The following INTS1 variants were observed in gnomAD, a reference collection of about 807,000 sequenced individuals.
The protein encoded by INTS1 is integrator complex subunit 1.
A neutral mutation model predicts 241.6 loss-of-function variants in INTS1; 137 were observed. The observed-to-expected ratio is 0.57, with a 90% CI of 0.49 to 0.65. INTS1 has a LOEUF of 0.65. Ranked by LOEUF, INTS1 falls within the 30% of genes least tolerant of loss-of-function variation. INTS1 has a pLI of 0.00. For synonymous variants in INTS1, 1,692 were observed against 1,337.8 expected, an observed-to-expected ratio of 1.26 and a Z score of -5.78; for missense variants, 3,073 against 3,032.2, an observed-to-expected ratio of 1.01 and a Z score of -0.32.
chr7:1,497,085 G>T lies in INTS1; in HGVS notation c.1602+53C>A. The T allele has an allele frequency of 6.6e-7, 1 of 1,508,112 alleles. No homozygotes were observed. Among genetic ancestry groups the T allele is most frequent in the South Asian group, 1.3e-5 (1 of 79,304 alleles). 93.4% of individuals were successfully genotyped at this position (1,508,112 alleles called of 1,614,324 possible). A position where few individuals can be genotyped will look rare whatever the true frequency, so the allele number is the denominator to read the frequency against. On this transcript the variant is annotated intron_variant, in intron 11 of 47. Transcript: ENST00000404767. This position sits in a 1 kb window ranked among gnomAD's most constrained non-coding sequence, Gnocchi z 5.3. The stretch of plus-strand genomic sequence containing the variant: ...TGGGACCCAGGACGAGGGGGATGGC[G>T]GCGCGTGGAACCCGCAGTGAGGGAA...
chr7:1,487,914 G>A lies in INTS1; in HGVS notation c.2362C>T (p.Arg788Trp), dbSNP rs1782351023. The A allele has an allele frequency of 1.2e-6, 2 of 1,613,460 alleles. No homozygotes were observed. The highest frequency in any genetic ancestry group is 1.3e-5 in the African/African-American group (1 of 75,040). Residue 788 changes from arginine (R) to tryptophan (W), a missense_variant, in exon 19 of 48, where the codon CGG becomes TGG. Transcript: ENST00000404767. ...AGCTCACGGTTCAGCATCTCCGTCC[G>A]GGTCTCCTCATCCGTCAGGGTGCAC... ...PPCTLTDEETRTEMLNRELQT... is the reference protein window; with the variant it reads ...PPCTLTDEETWTEMLNRELQT...
chr7:1,498,729 TGAG>T lies in INTS1; in HGVS notation c.1258_1260del (p.Leu420del). On this transcript the variant is annotated inframe_deletion, in exon 9 of 48. Transcript: ENST00000404767. ...CACCTGATGCACAGCATGAAGTGGTTGAGGAGGACCTTGGGCTTGAGGCGGATC... is the reference window on the plus strand; with the variant it reads ...CACCTGATGCACAGCATGAAGTGGTTGAGGACCTTGGGCTTGAGGCGGATC... 1 of 1,557,354 alleles carries T rather than the reference TGAG, an allele frequency of 6.4e-7. No homozygotes were observed. Among genetic ancestry groups the T allele is most frequent in the Non-Finnish European group, 8.7e-7 (1 of 1,150,540 alleles).
intron 33 of INTS1, 80 bp downstream of exon 33, chr7:1,478,286 C>A: frequency 6.7e-7 from 1 of 1,488,602 alleles, no homozygotes; most frequent in Non-Finnish European, 9.3e-7. Context: ...GTCCGTCCCC[C>A]ACTGGGCAGC....
In INTS1 at chr7:1,471,660, C is replaced by T. The variant is rs760212930; in HGVS notation, c.6185-19G>A. On this transcript the variant is annotated intron_variant, in intron 44 of 47. Transcript: ENST00000404767. ...AGCAGATCTGACACAGAGAGAGGGC[C>T]AGACCAGAACTGAAGGGCCCAGGCA... is the stretch of plus-strand genomic sequence containing the variant. The T allele has an allele frequency of 3.1e-6, 5 of 1,611,552 alleles. No homozygotes were observed. Among genetic ancestry groups the T allele is most frequent in the African/African-American group, 2.7e-5 (2 of 75,052 alleles).
chr7:1,482,813 G>A (rs1183360200), intron 26 of INTS1, 106 bp from the exon 27 acceptor site: 2 of 1,376,554 alleles, frequency 1.5e-6, no homozygotes, highest in African/African-American at 1.4e-5. Context: ...GAAGGAAACT[G>A]AGACTTGGGA....
chr7:1,497,951 T>A lies in INTS1; in HGVS notation c.1425+461A>T, dbSNP rs909301152. 6.6e-6 allele frequency among the ~76,000 whole-genome samples: 1 copy of A among 152,240 alleles called. No individual in the cohort carries two copies. The highest frequency in any genetic ancestry group is 1.5e-5 in the Non-Finnish European group (1 of 68,028). ...GGTCTGGGCCAGGCACAGGGGCTCA[T>A]GCCTGTCATCCCAGCACTTTGGGAG... On this transcript the variant is annotated intron_variant, in intron 10 of 47. Coordinates refer to ENST00000404767, the MANE Select transcript of INTS1 (RefSeq NM_001080453.3). The surrounding 1 kb of genome is among the most constrained non-coding windows in gnomAD (Gnocchi z 5.3).
At position 1,498,729 on chromosome 7, in the gene INTS1, T is replaced by C; in HGVS notation, c.1261A>G (p.Asn421Asp). ...CACCTGATGCACAGCATGAAGTGGT[T>C]GAGGAGGACCTTGGGCTTGAGGCGG... ...KIRLKPKVLL[N>D]HFMLCIRELL... is the part of the protein sequence containing the mutation. Residue 421 changes from asparagine to aspartate, a missense_variant, in exon 9 of 48, where the codon AAC (asparagine) becomes GAC (aspartate). Coordinates refer to ENST00000404767, the MANE Select transcript of INTS1 (RefSeq NM_001080453.3). 6.4e-7 allele frequency: 1 copy of C among 1,557,354 alleles called. No homozygotes were observed. The highest frequency in any genetic ancestry group is 8.7e-7 in the Non-Finnish European group (1 of 1,150,540).
intron 26 of INTS1, 61 bp downstream of exon 26, chr7:1,483,681 T>G (rs768663063): frequency 3.1e-6 from 4 of 1,295,262 alleles, no homozygotes; most frequent in Non-Finnish European, 4.4e-6. Context: ...CCGCTGGGTG[T>G]GGTCAGGGCT....
chr7:1,484,440 T>G (rs1782150949), intron 24 of INTS1, among the ~76,000 whole-genome samples: 1 of 152,194 alleles, frequency 6.6e-6, no homozygotes, highest in African/African-American at 2.4e-5. Flanking sequence ...AGCCACCATC[T>G]GTTCACCTAT....
At chr7:1,478,586 A>G (rs2128534792) in intron 32 of INTS1, 80 bp from the exon 33 acceptor site, 1 of 1,539,034 alleles carries the variant, frequency 6.5e-7, no homozygotes, top group Non-Finnish European at 8.8e-7. Context: ...GCCCCACGGT[A>G]GAAGGGCTCC....
Position 1,480,235 on chromosome 7 carries a change from G to A in INTS1, c.4074+82C>T, listed in dbSNP as rs546502938. 148 of 1,466,462 alleles carry A rather than the reference G, an allele frequency of 1.0e-4. No homozygotes were observed. The African/African-American group carries it at 1.5e-3, about 15-fold the overall frequency. The allele number at this position is 1,466,462 out of a possible 1,614,324, so 90.8% of individuals were successfully genotyped here. ...TCAGGCGGTCACGCAAGTAAAGGCC[G>A]CTGTGCGTGCGAGGCGGCAGCGAAG... is the stretch of plus-strand genomic sequence containing the variant. On this transcript the variant is annotated intron_variant, in intron 30 of 47. Coordinates refer to ENST00000404767, the MANE Select transcript of INTS1 (RefSeq NM_001080453.3).
At chr7:1,477,426 C>T (rs1781774342) in intron 35 of INTS1, 124 bp downstream of exon 35, 5 of 1,146,362 alleles carry the variant, frequency 4.4e-6, no homozygotes, top group African/African-American at 1.6e-5. Flanking sequence ...GGACACATGG[C>T]CTGAGAGCAG....
At chr7:1,502,337 G>A (rs1445864906) in intron 3 of INTS1, among the ~76,000 whole-genome samples, 1 of 152,106 alleles carries the variant, frequency 6.6e-6, no homozygotes, top group Non-Finnish European at 1.5e-5. Context: ...TGGCGCAGAG[G>A]GGCAGGGGCG....
In INTS1 at chr7:1,479,468, G is replaced by A. The variant is rs370186628; in HGVS notation, c.4291C>T (p.Leu1431=). 1,368 of 1,579,288 alleles carry A rather than the reference G, an allele frequency of 8.7e-4. 4 individuals carry two copies. The highest frequency in any genetic ancestry group is 5.8e-4 in the Non-Finnish European group (675 of 1,163,706). The change falls in exon 31 of 48, where the codon CTG becomes TTG. Residue 1431 remains leucine (L), a synonymous_variant. Coordinates refer to ENST00000404767, the MANE Select transcript of INTS1 (RefSeq NM_001080453.3). ...LVMSMHRSHF[L]ACPLLRQLCQ... ...AGCTGGCGCAGCAGCGGGCAGGCCAGGAAGTGGCTACGGTGCATGGACATC... is the reference window on the plus strand; with the variant it reads ...AGCTGGCGCAGCAGCGGGCAGGCCAAGAAGTGGCTACGGTGCATGGACATC...
Position 1,473,125 on chromosome 7 carries a change from C to G in INTS1, c.6017G>C (p.Ser2006Thr), listed in dbSNP as rs1356482976. 1 of 1,612,200 alleles carries G rather than the reference C, an allele frequency of 6.2e-7. No homozygotes were observed. Among genetic ancestry groups the G allele is most frequent in the South Asian group, 1.1e-5 (1 of 91,078 alleles). Residue 2006 changes from serine (S) to threonine (T), a missense_variant, in exon 43 of 48, where the codon AGC becomes ACC. Transcript: ENST00000404767. ...GGTCCTGTCGTCCCTGCTGGGCAGG[C>G]TGAGCCCTGCAAGGAGGGATTTCAG... ...VMLKSLLAGL[S>T]LPSRDDRTDR...
Position 1,493,877 on chromosome 7 carries a change from A to G in INTS1, c.1945T>C (p.Leu649=), listed in dbSNP as rs2251226. 701,083 of 1,564,150 alleles carry G rather than the reference A, an allele frequency of 0.45. 164,690 individuals are homozygous for G. The highest frequency in any genetic ancestry group is 0.77 in the African/African-American group (56,912 of 73,616). ...AGGATGCGCATCAGCGTGTCCTCCA[A>G]AATGGGCACCTCGGAGCACAGACGC... is the stretch of plus-strand genomic sequence containing the variant. ...FLRLCSEVPI[L]EDTLMRILVI... is the part of the protein sequence containing the mutation. The change falls in exon 15 of 48, where the codon TTG becomes CTG. Residue 649 remains leucine, a synonymous_variant. Coordinates refer to ENST00000404767, the MANE Select transcript of INTS1 (RefSeq NM_001080453.3). This position sits in a 1 kb window ranked among gnomAD's most constrained non-coding sequence, Gnocchi z 5.3.
intron 31 of INTS1, 36 bp downstream of exon 31, chr7:1,479,394 G>A: frequency 6.5e-7 from 1 of 1,547,652 alleles, no homozygotes; most frequent in Non-Finnish European, 8.7e-7. Flanking sequence ...AGCCCTCACT[G>A]CCCTCCTCCC....
chr7:1,493,846 A>T lies in INTS1; in HGVS notation c.1976T>A (p.Ile659Asn). 6.4e-7 allele frequency: 1 copy of T among 1,569,028 alleles called. No individual in the cohort carries two copies. Among genetic ancestry groups the T allele is most frequent in the Non-Finnish European group, 8.6e-7 (1 of 1,158,004 alleles). ...LEDTLMRILV[I>N]GLSRELPLGP... Reference sequence around the variant, plus strand: ...GAGCGGGAGCTCCCGGGACAGCCCGATGACCAGGATGCGCATCAGCGTGTC... The same window carrying T: ...GAGCGGGAGCTCCCGGGACAGCCCGTTGACCAGGATGCGCATCAGCGTGTC... Residue 659 changes from isoleucine (I) to asparagine (N), a missense_variant, in exon 15 of 48, where the codon ATC (isoleucine) becomes AAC (asparagine). By Grantham distance (149) the Ile-to-Asn change is moderately radical (BLOSUM62 -3). Transcript: ENST00000404767. This position sits in a 1 kb window ranked among gnomAD's most constrained non-coding sequence, Gnocchi z 5.3.
chr7:1,493,239 G>T lies in INTS1; in HGVS notation c.2069-133C>A. On this transcript the variant is annotated intron_variant, in intron 15 of 47. Transcript: ENST00000404767. This position sits in a 1 kb window ranked among gnomAD's most constrained non-coding sequence, Gnocchi z 5.3. ...GCCGCAGGGTGGGGCGCAGGCCTGAGCAGGAGAGCTGGGGGAAGCTTGGCT... is the reference window on the plus strand; with the variant it reads ...GCCGCAGGGTGGGGCGCAGGCCTGATCAGGAGAGCTGGGGGAAGCTTGGCT... 1.5e-6 allele frequency: 1 copy of T among 675,052 alleles called. No homozygotes were observed. The highest frequency in any genetic ancestry group is 2.6e-6 in the Non-Finnish European group (1 of 388,792). The allele number at this position is 675,052 out of a possible 1,614,324, so 41.8% of individuals were successfully genotyped here.
Sources: gnomAD v4.1 joint callset for allele counts (sites outside exome capture counted in the v4.1 genomes callset) on GRCh38, gnomAD v4.1.1 for gene constraint, Gnocchi (gnomAD v3.1) non-coding constraint, MANE v1.5 for transcripts, NCBI Gene and HGNC (gene_info 2026-07-23, HGNC 2026-07-21) for gene names.